Variants in PDLIM1 observed in about 807,000 individuals in gnomAD.
PDLIM1 encodes the protein PDZ and LIM domain protein 1.
A neutral mutation model predicts 35.2 loss-of-function variants in PDLIM1; 25 were observed. The observed-to-expected ratio is 0.71, with a 90% CI of 0.52 to 0.99. The LOEUF is 0.99. Among genes scored for constraint, PDLIM1 ranks in the 50% least tolerant of loss-of-function variants. The pLI is 0.00. For missense variants in PDLIM1, 363 were observed against 415.3 expected, an observed-to-expected ratio of 0.87 and a Z score of 1.09; for synonymous variants, 152 against 154.0, an observed-to-expected ratio of 0.99 and a Z score of 0.10.
chr10:95,265,189 A>T (rs7095761), intron 3 of PDLIM1, among the ~76,000 whole-genome samples: 1 of 150,922 alleles, frequency 6.6e-6, no homozygotes, highest in African/African-American at 2.4e-5. Flanking sequence ...TTTGTTAAAT[A>T]TTCAAGTCTT....
At chr10:95,262,876 C>T (rs1464908969) in intron 4 of PDLIM1, among the ~76,000 whole-genome samples, 2 of 152,204 alleles carry the variant, frequency 1.3e-5, no homozygotes, top group African/African-American at 4.8e-5. Flanking sequence ...GGCTTGGTGG[C>T]TCATGCCTGT....
chr10:95,240,912 T>C, intron 5 of PDLIM1, among the ~76,000 whole-genome samples: 1 of 150,934 alleles, frequency 6.6e-6, no homozygotes, highest in Admixed American at 6.7e-5. Flanking sequence ...ATGGTAAAAA[T>C]CACCTGGAGG....
At chr10:95,248,778 C>G (rs2035243791) in intron 4 of PDLIM1, among the ~76,000 whole-genome samples, 1 of 152,220 alleles carries the variant, frequency 6.6e-6, no homozygotes, top group Non-Finnish European at 1.5e-5. Context: ...TCTACTGAGA[C>G]CAGGCTTCCC....
chr10:95,269,375 C>A (rs2035442630), intron 2 of PDLIM1, among the ~76,000 whole-genome samples: 1 of 151,994 alleles, frequency 6.6e-6, no homozygotes, highest in Non-Finnish European at 1.5e-5. Context: ...AGTTTGACAT[C>A]AGCCTGGCCA....
chr10:95,270,686 T>G (rs2035456755), intron 2 of PDLIM1, among the ~76,000 whole-genome samples: 1 of 152,206 alleles, frequency 6.6e-6, no homozygotes, highest in African/African-American at 2.4e-5. Flanking sequence ...CAAGTTTTTC[T>G]CTGTTATTGC....
intron 3 of PDLIM1, 41 bp from the exon 4 acceptor site, chr10:95,264,104 A>G (rs757744384): frequency 2.6e-6 from 4 of 1,540,540 alleles, no homozygotes; most frequent in Non-Finnish European, 3.6e-6. Context: ...GGGGGCATCC[A>G]ATGCAAACCC....
intron 4 of PDLIM1, among the ~76,000 whole-genome samples, chr10:95,259,074 AAG>A (rs896607493): frequency 6.6e-6 from 1 of 152,162 alleles, no homozygotes. Context: ...GTGGCTATAA[AAG>A]AGCGACATGA....
intron 5 of PDLIM1, among the ~76,000 whole-genome samples, chr10:95,245,371 T>C (rs574341956): frequency 2.0e-5 from 3 of 152,278 alleles, no homozygotes; most frequent in South Asian, 2.1e-4. Context: ...ACCTTGGGAA[T>C]AGAAGCCACA....
rs78358630 is a variant in PDLIM1 at position 95,241,677 on chromosome 10, G to A, written c.686-2992C>T. Among the ~76,000 whole-genome samples, 1,176 of 152,296 alleles carry A rather than the reference G, an allele frequency of 7.7e-3. 17 individuals carry two copies. The highest frequency in any genetic ancestry group is 0.027 in the African/African-American group (1,117 of 41,554). ...CCCATCCTGACTTTAGCCAACGTGA[G>A]CAGATGTGAGCCTTATACAGGCAAA... is the stretch of plus-strand genomic sequence containing the variant. On this transcript the variant is annotated intron_variant, in intron 5 of 6. Transcript: ENST00000329399.
At chr10:95,253,740 G>T (rs1887182) in intron 4 of PDLIM1, among the ~76,000 whole-genome samples, 69,017 of 151,596 alleles carry the variant, frequency 0.46, 16,219 homozygotes, top group Middle Eastern at 0.53. Flanking sequence ...AAAAATACTT[G>T]CCCTCTCAAT....
At chr10:95,262,607 A>G (rs1011607403) in intron 4 of PDLIM1, among the ~76,000 whole-genome samples, 11 of 23,432 alleles carry the variant, frequency 4.7e-4, no homozygotes, top group Non-Finnish European at 8.6e-4. Context: ...ACCCCCACCC[A>G]GCACCCTTGT....
intron 5 of PDLIM1, among the ~76,000 whole-genome samples, chr10:95,240,544 T>C (rs543226202): frequency 6.6e-6 from 1 of 152,318 alleles, no homozygotes; most frequent in African/African-American, 2.4e-5. Context: ...TGATGGATGC[T>C]GGGCTTAATA....
chr10:95,286,267 G>T (rs563782912), intron 1 of PDLIM1, among the ~76,000 whole-genome samples: 2 of 152,138 alleles, frequency 1.3e-5, no homozygotes, highest in South Asian at 4.1e-4. Context: ...TGAGGCACAA[G>T]AATCGCTTGA....
intron 1 of PDLIM1, among the ~76,000 whole-genome samples, chr10:95,277,592 G>A (rs964541147): frequency 1.3e-5 from 2 of 151,806 alleles, no homozygotes; most frequent in East Asian, 1.9e-4. Context: ...GCAGTGAGCC[G>A]AGATCACACC....
At chr10:95,238,822 G>C (rs1455137631) in intron 5 of PDLIM1, 137 bp from the exon 6 acceptor site, 49 of 597,314 alleles carry the variant, frequency 8.2e-5, no homozygotes, top group Non-Finnish European at 1.2e-5. Context: ...GTGATCCTGG[G>C]CAAGTAACTT....
chr10:95,262,443 T>C (rs1192650284), intron 4 of PDLIM1, among the ~76,000 whole-genome samples: 1 of 152,136 alleles, frequency 6.6e-6, no homozygotes, highest in Non-Finnish European at 1.5e-5. Flanking sequence ...TCACCAATAA[T>C]TAAAAATCAG....
In PDLIM1 at chr10:95,290,803, G is replaced by T; in HGVS notation, c.96+17C>A. ...CCCATAGCGCCCCGCTTCCACGCAC[G>T]TCCCAGCTGCTCTTACCCGGGAAAT... On this transcript the variant is annotated intron_variant, in intron 1 of 6. Coordinates refer to ENST00000329399, the MANE Select transcript of PDLIM1 (RefSeq NM_020992.4). This position sits in a 1 kb window ranked among gnomAD's most constrained non-coding sequence, Gnocchi z 4.7. 1 of 1,522,224 alleles carries T rather than the reference G, an allele frequency of 6.6e-7. No homozygotes were observed. The highest frequency in any genetic ancestry group is 8.9e-7 in the Non-Finnish European group (1 of 1,125,142). The allele number at this position is 1,522,224 out of a possible 1,614,324, so 94.3% of individuals were successfully genotyped here. A position where few individuals can be genotyped will look rare whatever the true frequency, so the allele number is the denominator to read the frequency against.
At chr10:95,274,293 CTT>C (rs11429361) in intron 1 of PDLIM1, among the ~76,000 whole-genome samples, 21 of 130,574 alleles carry the variant, frequency 1.6e-4, no homozygotes, top group Non-Finnish European at 1.6e-4. Flanking sequence ...CACAGTCATC[CTT>C]TTTTTTTTTT....
chr10:95,254,004 C>T (rs2035289247), intron 4 of PDLIM1, among the ~76,000 whole-genome samples: 1 of 151,924 alleles, frequency 6.6e-6, no homozygotes, highest in African/African-American at 2.4e-5. Flanking sequence ...ATAAAAAACA[C>T]TACAAATAAA....
Sources: gnomAD v4.1 joint callset for allele counts (sites outside exome capture counted in the v4.1 genomes callset) on GRCh38, gnomAD v4.1.1 for gene constraint, Gnocchi (gnomAD v3.1) non-coding constraint, MANE v1.5 for transcripts, NCBI Gene and HGNC (gene_info 2026-07-23, HGNC 2026-07-21) for gene names.